The following ITGB1 variants were observed in gnomAD, a reference collection of about 807,000 sequenced individuals.
ITGB1 encodes integrin subunit beta 1.
ITGB1 carries 24 observed loss-of-function variants against 86.5 expected under a neutral mutation model. The ratio of observed to expected loss-of-function variants is 0.28; its 90% CI spans 0.20 to 0.39. The LOEUF (loss-of-function observed/expected upper bound fraction) is 0.39. Among genes scored for constraint, ITGB1 ranks in the 10% least tolerant of loss-of-function variants. ITGB1 has a pLI of 1.00. For missense variants in ITGB1, 556 were observed against 946.9 expected (o/e 0.59, Z 5.42); for synonymous variants, 323 against 316.8 (o/e 1.02, Z -0.21).
At position 32,911,894 on chromosome 10, in the gene ITGB1, A is replaced by G. The variant is rs748704710; in HGVS notation, c.1700T>C (p.Ile567Thr). The change falls in exon 12 of 16, where the codon ATT becomes ACT. Residue 567 changes from isoleucine (I) to threonine (T), a missense_variant. Around this residue, in one of 4 missense-constraint regions of ITGB1, gnomAD observed 330 missense variants for 531.5 expected, o/e 0.62. Coordinates refer to ENST00000302278, the MANE Select transcript of ITGB1 (RefSeq NM_002211.4). ...NFNCDRSNGL[I>T]CGGNGVCKCR... ...TCAGGCCCTTTACTTACCTCCACAA[A>G]TTAAGCCATTGGATCTATCACAGTT... The G allele has an allele frequency of 1.2e-6, 2 of 1,610,702 alleles. No homozygotes were observed. Among genetic ancestry groups the G allele is most frequent in the African/African-American group, 2.7e-5 (2 of 74,884 alleles).
At chr10:32,925,443 C>G (rs1322468919) in intron 6 of ITGB1, among the ~76,000 whole-genome samples, 2 of 152,084 alleles carry the variant, frequency 1.3e-5, no homozygotes, top group African/African-American at 2.4e-5. Flanking sequence ...AGAAAACTGA[C>G]CAAAGGAAAA....
At chr10:32,946,755 G>GT in intron 1 of ITGB1, among the ~76,000 whole-genome samples, 1 of 107,284 alleles carries the variant, frequency 9.3e-6, no homozygotes, top group Non-Finnish European at 2.0e-5. Context: ...TTTCTGGGGG[G>GT]GGGGGGGGGA....
intron 15 of ITGB1, among the ~76,000 whole-genome samples, chr10:32,905,634 C>G (rs2094894044): frequency 6.6e-6 from 1 of 152,204 alleles, no homozygotes. Flanking sequence ...CTCTGACTAA[C>G]CAGCCGTGGG....
intron 11 of ITGB1, among the ~76,000 whole-genome samples, chr10:32,913,226 A>G (rs2137175911): frequency 6.6e-6 from 1 of 152,342 alleles, no homozygotes; most frequent in East Asian, 1.9e-4. Context: ...CAGAGCAGAA[A>G]AGCTGAAAAT....
intron 5 of ITGB1, 55 bp downstream of exon 5, chr10:32,928,039 T>C: frequency 3.0e-6 from 3 of 986,172 alleles, no homozygotes; most frequent in African/African-American, 1.6e-5. Flanking sequence ...AAAACAACAT[T>C]TGAGAATTGC....
intron 1 of ITGB1, 61 bp from the exon 2 acceptor site, chr10:32,935,619 TAGAA>T: frequency 4.3e-6 from 5 of 1,176,356 alleles, no homozygotes; most frequent in Non-Finnish European, 6.3e-6. Flanking sequence ...ATGCATTAAA[TAGAA>T]AGTATTACCC....
intron 11 of ITGB1, among the ~76,000 whole-genome samples, chr10:32,914,180 G>A (rs564859768): frequency 1.3e-5 from 2 of 152,140 alleles, no homozygotes; most frequent in African/African-American, 2.4e-5. Context: ...AACATGGAAA[G>A]GAACAACTGG....
intron 1 of ITGB1, among the ~76,000 whole-genome samples, chr10:32,954,957 G>C (rs950624728): frequency 6.6e-6 from 1 of 152,012 alleles, no homozygotes; most frequent in Non-Finnish European, 1.5e-5. Context: ...GTATAGTTTG[G>C]ATCCTTTTGT....
chr10:32,931,841 C>A (rs967022924), intron 3 of ITGB1, among the ~76,000 whole-genome samples: 1 of 152,110 alleles, frequency 6.6e-6, no homozygotes. Flanking sequence ...CTTCTCCTTA[C>A]CTTCTCTTTT....
At chr10:32,918,714 A>G (rs779457730) in intron 11 of ITGB1, among the ~76,000 whole-genome samples, 3 of 152,186 alleles carry the variant, frequency 2.0e-5, no homozygotes, top group African/African-American at 7.2e-5. Flanking sequence ...CGTTAGTTAC[A>G]TTTTCAAATG....
chr10:32,954,657 T>A (rs2095048890), intron 1 of ITGB1, among the ~76,000 whole-genome samples: 1 of 152,184 alleles, frequency 6.6e-6, no homozygotes, highest in Non-Finnish European at 1.5e-5. Flanking sequence ...TTTTTATGCA[T>A]CCCTGGAGAT....
rs2094943536 is a variant in ITGB1 at position 32,919,908 on chromosome 10, C to T, written c.1446G>A (p.Gly482=). The change falls in exon 11 of 16, where the codon GGG becomes GGA. Residue 482 remains glycine (G), a synonymous_variant. Coordinates refer to ENST00000302278, the MANE Select transcript of ITGB1 (RefSeq NM_002211.4). ...ACCTGCACGCGCCACACTCAAATGT[C>T]CCATTTCCTTCATGACACTTGGGAC... ...PESPKCHEGN[G]TFECGACRCN... 1 of 1,614,132 alleles carries T rather than the reference C, an allele frequency of 6.2e-7. No homozygotes were observed. The highest frequency in any genetic ancestry group is 1.3e-5 in the African/African-American group (1 of 75,050).
rs199929907 is a variant in ITGB1 at position 32,923,687 on chromosome 10, G to A, written c.840C>T (p.Ala280=). The A allele has an allele frequency of 4.6e-5, 75 of 1,613,710 alleles. No homozygotes were observed. The highest frequency in any genetic ancestry group is 5.4e-5 in the Non-Finnish European group (64 of 1,179,804). Residue 280 remains alanine, a synonymous_variant, in exon 7 of 16, where the codon GCC becomes GCT. Coordinates refer to ENST00000302278, the MANE Select transcript of ITGB1 (RefSeq NM_002211.4). ...TCCCATCTCCAGCAAAGTGAAACCC[G>A]GCATCTGTGGAAAACACCAGCAGCC... The part of the protein sequence containing the change: ...VTRLLVFSTD[A]GFHFAGDGKL...
At chr10:32,914,776 G>C (rs1214273063) in intron 11 of ITGB1, among the ~76,000 whole-genome samples, 1 of 151,666 alleles carries the variant, frequency 6.6e-6, no homozygotes, top group East Asian at 1.9e-4. Context: ...AGTTAACAAG[G>C]ATATCCAGGA....
chr10:32,937,543 A>G (rs1276252167), intron 1 of ITGB1, among the ~76,000 whole-genome samples: 4 of 130,752 alleles, frequency 3.1e-5, no homozygotes, highest in Admixed American at 8.1e-5. Context: ...CGAAAGAGCG[A>G]GACTCCGTCT....
chr10:32,939,701 G>A (rs1350045428), intron 1 of ITGB1, among the ~76,000 whole-genome samples: 1 of 148,086 alleles, frequency 6.8e-6, no homozygotes, highest in Non-Finnish European at 1.5e-5. Flanking sequence ...ACTGGAAGCT[G>A]CTCTGGATGG....
At chr10:32,937,268 G>A (rs1451782394) in intron 1 of ITGB1, among the ~76,000 whole-genome samples, 1 of 152,200 alleles carries the variant, frequency 6.6e-6, no homozygotes, top group Non-Finnish European at 1.5e-5. Flanking sequence ...AACATTTAGA[G>A]TTATAGAGGG....
chr10:32,932,874 T>A (rs1377287343), intron 2 of ITGB1, among the ~76,000 whole-genome samples: 1 of 151,774 alleles, frequency 6.6e-6, no homozygotes, highest in Non-Finnish European at 1.5e-5. Context: ...AAATGGGGTA[T>A]TCATCCCCTC....
At chr10:32,924,104 A>G (rs2094957929) in intron 6 of ITGB1, among the ~76,000 whole-genome samples, 1 of 152,204 alleles carries the variant, frequency 6.6e-6, no homozygotes, top group Admixed American at 6.5e-5. Context: ...CATTTGCTGA[A>G]TAAATGAAAG....
Sources: allele counts gnomAD v4.1 joint callset (sites outside exome capture counted in the v4.1 genomes callset), GRCh38; gene constraint gnomAD v4.1.1; regional missense constraint gnomAD v4.1.1; transcripts MANE v1.5; gene names NCBI Gene and HGNC (gene_info 2026-07-23, HGNC 2026-07-21).